The following PREX2 variants were observed in gnomAD, a reference collection of about 807,000 sequenced individuals.
PREX2 encodes the protein phosphatidylinositol-3,4,5-trisphosphate dependent Rac exchange factor 2.
A neutral mutation model predicts 203.2 loss-of-function variants in PREX2; 107 were observed. That is an observed-to-expected ratio of 0.53 (90% CI 0.45 to 0.62). The LOEUF is 0.62. Ranked by LOEUF, PREX2 falls within the 20% of genes least tolerant of loss-of-function variation. PREX2 has a pLI of 0.00. For missense variants in PREX2, 1,777 were observed against 1,955.9 expected, an observed-to-expected ratio of 0.91 and a Z score of 1.72; for synonymous variants, 672 against 663.6, an observed-to-expected ratio of 1.01 and a Z score of -0.19.
intron 34 of PREX2, among the ~76,000 whole-genome samples, 177 bp from the exon 35 acceptor site, chr8:68,157,145 A>C (rs1418751866): frequency 6.6e-6 from 1 of 152,150 alleles, no homozygotes; most frequent in Non-Finnish European, 1.5e-5. Context: ...AATGTTTGAT[A>C]TTTATTTTGA....
chr8:68,077,895 T>G (rs1479462864), intron 15 of PREX2, among the ~76,000 whole-genome samples: 1 of 152,160 alleles, frequency 6.6e-6, no homozygotes, highest in East Asian at 1.9e-4. Flanking sequence ...AAGAAAAATG[T>G]TTTTAAAATT....
intron 37 of PREX2, among the ~76,000 whole-genome samples, chr8:68,202,665 G>T (rs1301356039): frequency 1.3e-5 from 2 of 152,130 alleles, no homozygotes; most frequent in Admixed American, 1.3e-4. Context: ...TTGGTGATTG[G>T]TGAGAAATAA....
At chr8:68,015,735 G>C (rs537139558) in intron 1 of PREX2, among the ~76,000 whole-genome samples, 3 of 152,106 alleles carry the variant, frequency 2.0e-5, no homozygotes, top group Admixed American at 1.3e-4. Flanking sequence ...GAACATTTTT[G>C]CGATGAGTAT....
Position 68,074,057 on chromosome 8 carries a change from C to T in PREX2, c.1569+1487C>T, listed in dbSNP as rs1409700416. Among the ~76,000 whole-genome samples, 3 of 151,972 alleles carry T rather than the reference C, an allele frequency of 2.0e-5. No individual in the cohort carries two copies. In the East Asian group the frequency reaches 5.8e-4, roughly 29 times the overall value. Reference sequence around the variant, plus strand: ...TCTCGGCTCACTGCAACTTTCGCCTCTGGGGTTCAAGTAATTCTCCTGCCT... The same window carrying T: ...TCTCGGCTCACTGCAACTTTCGCCTTTGGGGTTCAAGTAATTCTCCTGCCT... On this transcript the variant is annotated intron_variant, in intron 14 of 39. Coordinates refer to ENST00000288368, the MANE Select transcript of PREX2 (RefSeq NM_024870.4).
chr8:68,017,925 G>C lies in PREX2; in HGVS notation c.213+8G>C. 6.2e-7 allele frequency: 1 copy of C among 1,607,656 alleles called. No homozygotes were observed. ...ACAGAAGAAACAGTGAAGGTGAGGA[G>C]GTACAACTGGCCTTCAACCTGAGCA... On this transcript the variant is annotated splice_region_variant and intron_variant, in intron 2 of 39. Transcript: ENST00000288368.
At chr8:68,074,236 A>G (rs1249271822) in intron 14 of PREX2, among the ~76,000 whole-genome samples, 2 of 152,086 alleles carry the variant, frequency 1.3e-5, no homozygotes, top group East Asian at 1.9e-4. Flanking sequence ...AAGGGCTCGG[A>G]TTACAGGTGT....
chr8:68,211,654 T>G (rs16934321), intron 37 of PREX2, among the ~76,000 whole-genome samples: 13,126 of 152,200 alleles, frequency 0.086, 1,042 homozygotes, highest in East Asian at 0.32. Flanking sequence ...CTTCAAACCC[T>G]TCTGTTGTCA....
chr8:68,091,998 G>A (rs567111997), intron 20 of PREX2, among the ~76,000 whole-genome samples: 1 of 152,142 alleles, frequency 6.6e-6, no homozygotes, highest in Non-Finnish European at 1.5e-5. Flanking sequence ...CGGCCGTGGG[G>A]TGGTTCCTAT....
At chr8:68,053,775 G>A (rs1460068227) in intron 9 of PREX2, among the ~76,000 whole-genome samples, 1 of 152,148 alleles carries the variant, frequency 6.6e-6, no homozygotes, top group Non-Finnish European at 1.5e-5. Flanking sequence ...TTTAAAAATT[G>A]TTAGGTCTTT....
chr8:68,039,459 G>A (rs146109076), intron 7 of PREX2, among the ~76,000 whole-genome samples: 9 of 152,102 alleles, frequency 5.9e-5, no homozygotes, highest in African/African-American at 1.4e-4. Context: ...CATTTGACTC[G>A]TTTTCCCTCT....
chr8:67,993,387 GT>G (rs1806664141), intron 1 of PREX2, among the ~76,000 whole-genome samples: 1 of 148,990 alleles, frequency 6.7e-6, no homozygotes, highest in South Asian at 2.1e-4. Flanking sequence ...AAATTTTACA[GT>G]ATTACTTCAG....
At chr8:68,220,713 C>G (rs1812936700) in intron 38 of PREX2, among the ~76,000 whole-genome samples, 2 of 152,110 alleles carry the variant, frequency 1.3e-5, no homozygotes, top group East Asian at 3.9e-4. Flanking sequence ...ATAAGTCTTA[C>G]TCATTTTTGT....
chr8:68,192,786 AT>A (rs1812324311), intron 37 of PREX2, among the ~76,000 whole-genome samples: 1 of 152,194 alleles, frequency 6.6e-6, no homozygotes, highest in Admixed American at 6.5e-5. Context: ...ACATACTTAC[AT>A]TTTAGGAAAA....
At chr8:68,115,026 T>C (rs1220875560) in intron 25 of PREX2, among the ~76,000 whole-genome samples, 23 of 138,070 alleles carry the variant, frequency 1.7e-4, no homozygotes, top group Admixed American at 7.8e-4. Flanking sequence ...TCTTTCTTTT[T>C]TTTTTTTTTT....
At chr8:68,192,823 G>A (rs781450426) in intron 37 of PREX2, among the ~76,000 whole-genome samples, 1 of 152,110 alleles carries the variant, frequency 6.6e-6, no homozygotes, top group Non-Finnish European at 1.5e-5. Flanking sequence ...ATTCACTAGA[G>A]AAATTAGTAG....
rs563806372 is a variant in PREX2 at position 68,195,440 on chromosome 8, T to C, written c.4604+2915T>C. ...AAACTATTTGAAAATTGTATAGTTT[T>C]ATTTTTCCATTATGCAGAATAAAAT... On this transcript the variant is annotated intron_variant, in intron 37 of 39. Coordinates refer to ENST00000288368, the MANE Select transcript of PREX2 (RefSeq NM_024870.4). Among the ~76,000 whole-genome samples, 438 of 152,404 alleles carry C rather than the reference T, an allele frequency of 2.9e-3. 1 individual carries two copies. The highest frequency in any genetic ancestry group is 0.012 in the South Asian group (60 of 4,832).
intron 26 of PREX2, among the ~76,000 whole-genome samples, chr8:68,117,744 T>TG (rs1409701198): frequency 6.6e-6 from 1 of 152,208 alleles, no homozygotes; most frequent in East Asian, 1.9e-4. Flanking sequence ...TTTCTTTCCT[T>TG]GGGCATTCAT....
intron 34 of PREX2, among the ~76,000 whole-genome samples, chr8:68,156,320 T>C (rs1811543911): frequency 6.6e-6 from 1 of 152,160 alleles, no homozygotes; most frequent in Non-Finnish European, 1.5e-5. Context: ...CAGCCTTGGC[T>C]CTCAAAGTGC....
intron 1 of PREX2, among the ~76,000 whole-genome samples, chr8:67,984,968 C>T (rs983210977): frequency 6.6e-6 from 1 of 151,456 alleles, no homozygotes; most frequent in Admixed American, 6.6e-5. Context: ...GCACGGGTCC[C>T]TGTTAGGACT....
Sources: allele counts gnomAD v4.1 joint callset (sites outside exome capture counted in the v4.1 genomes callset), GRCh38; gene constraint gnomAD v4.1.1; transcripts MANE v1.5; gene names NCBI Gene and HGNC (gene_info 2026-07-23, HGNC 2026-07-21).